Variants in VWA3B observed in about 807,000 individuals in gnomAD.
The protein encoded by VWA3B is von Willebrand factor A domain containing 3B, also known as von Willebrand factor A domain-containing protein 3B.
VWA3B carries 138 observed loss-of-function variants against 158.3 expected under a neutral mutation model. The observed-to-expected ratio is 0.87, with a 90% confidence interval of 0.76 to 1.00. VWA3B has a LOEUF of 1.00. VWA3B is among the 50% of genes least tolerant of loss of function. The pLI is 0.00. For synonymous variants in VWA3B, 596 were observed against 587.3 expected, an observed-to-expected ratio of 1.01 and a Z score of -0.21; for missense variants, 1,555 against 1,565.1, an observed-to-expected ratio of 0.99 and a Z score of 0.11.
intron 7 of VWA3B, among the ~76,000 whole-genome samples, chr2:98,139,672 C>T (rs1676594593): frequency 6.6e-6 from 1 of 152,082 alleles, no homozygotes; most frequent in African/African-American, 2.4e-5. Context: ...CACTCTGTAT[C>T]TAGTTAATCT....
At chr2:98,244,217 G>A (rs1474157038) in intron 19 of VWA3B, among the ~76,000 whole-genome samples, 1 of 152,116 alleles carries the variant, frequency 6.6e-6, no homozygotes, top group African/African-American at 2.4e-5. Context: ...CTAACATTCA[G>A]TAATATAAAT....
intron 3 of VWA3B, among the ~76,000 whole-genome samples, chr2:98,117,015 G>T (rs1230790886): frequency 6.6e-6 from 1 of 152,108 alleles, no homozygotes; most frequent in Non-Finnish European, 1.5e-5. Context: ...CCAATTCTTG[G>T]ATTATTTTAC....
In VWA3B at chr2:98,290,673, C is replaced by T. The variant is rs76640553; in HGVS notation, c.3157+51C>T. The T allele has an allele frequency of 5.3e-3, 6,772 of 1,283,684 alleles. 28 individuals are homozygous for T. The highest frequency in any genetic ancestry group is 6.8e-3 in the Non-Finnish European group (6,209 of 913,516). 79.5% of individuals were successfully genotyped at this position (1,283,684 alleles called of 1,614,324 possible). On this transcript the variant is annotated intron_variant, in intron 23 of 27. Transcript: ENST00000477737. ...GAGGCTTTTGTTAAATAATTTGATA[C>T]TAGGGACAAGAAGTTTCAACCTGTG...
At chr2:98,168,811 T>A (rs913858743) in intron 8 of VWA3B, among the ~76,000 whole-genome samples, 7 of 151,988 alleles carry the variant, frequency 4.6e-5, no homozygotes, top group African/African-American at 1.7e-4. Context: ...AAAAAAGATT[T>A]AAAAAAACCC....
chr2:98,220,600 C>T (rs779512447), intron 14 of VWA3B, among the ~76,000 whole-genome samples: 10 of 152,128 alleles, frequency 6.6e-5, no homozygotes, highest in Admixed American at 3.9e-4. Context: ...TCCCATTACT[C>T]GGTATATACC....
intron 14 of VWA3B, among the ~76,000 whole-genome samples, chr2:98,219,541 A>T (rs536096428): frequency 7.9e-5 from 12 of 152,374 alleles, no homozygotes; most frequent in African/African-American, 2.9e-4. Flanking sequence ...CAGTGGCCAA[A>T]AATTTTCCAA....
rs150940812 is a variant in VWA3B, at chr2:98,311,769, G to A, written c.3522-50G>A. ...TGGGGATGGCTTGGACATCTCTGTAGACCCCGCAGCCATCAAGGCAGGGTA... is the reference window on the plus strand; with the variant it reads ...TGGGGATGGCTTGGACATCTCTGTAAACCCCGCAGCCATCAAGGCAGGGTA... On this transcript the variant is annotated intron_variant, in intron 26 of 27. Transcript: ENST00000477737. 344 of 1,493,348 alleles carry A rather than the reference G, an allele frequency of 2.3e-4. No individual in the cohort carries two copies. The African/African-American group carries it at 3.0e-3, about 13-fold the overall frequency. 92.5% of individuals were successfully genotyped at this position (1,493,348 alleles called of 1,614,324 possible). A position where few individuals can be genotyped will look rare whatever the true frequency, so the allele number is the denominator to read the frequency against.
chr2:98,096,156 C>G (rs1371608637), intron 2 of VWA3B, among the ~76,000 whole-genome samples: 1 of 152,178 alleles, frequency 6.6e-6, no homozygotes, highest in East Asian at 1.9e-4. Context: ...GAAATATTCT[C>G]TCCTCTTCAA....
intron 8 of VWA3B, among the ~76,000 whole-genome samples, chr2:98,172,266 G>T: frequency 6.6e-6 from 1 of 152,210 alleles, no homozygotes; most frequent in Admixed American, 6.5e-5. Context: ...AAGGGTGATG[G>T]TTTTCCCCTG....
chr2:98,109,885 T>C (rs1033994461), intron 2 of VWA3B, among the ~76,000 whole-genome samples: 1 of 151,990 alleles, frequency 6.6e-6, no homozygotes, highest in African/African-American at 2.4e-5. Context: ...TTAGAATTTA[T>C]TTTTCCCTAT....
chr2:98,187,992 A>G lies in VWA3B; in HGVS notation c.1329A>G (p.Thr443=). 1 of 1,613,282 alleles carries G rather than the reference A, an allele frequency of 6.2e-7. No individual in the cohort carries two copies. The highest frequency in any genetic ancestry group is 8.5e-7 in the Non-Finnish European group (1 of 1,179,638). Residue 443 remains threonine (T), a synonymous_variant, in exon 10 of 28, where the codon ACA becomes ACG. Transcript: ENST00000477737. ...CTCCTTAGGAGACGAACAAGAAGAC[A>G]GTCCATGCAAAATATTGCAGCAGGT... The part of the protein sequence containing the change: ...VQTSAETNKK[T]VHAKYCSRFV...
chr2:98,119,839 G>A, intron 4 of VWA3B, 76 bp downstream of exon 4: 1 of 1,551,626 alleles, frequency 6.4e-7, no homozygotes, highest in Non-Finnish European at 8.8e-7. Flanking sequence ...AAGTAGCACA[G>A]CTGACACAGT....
At chr2:98,216,567 CCAGCTGATGTGTGTGGAGGAAGGCTGCA>C (rs928740027) in intron 13 of VWA3B, among the ~76,000 whole-genome samples, 1 of 152,186 alleles carries the variant, frequency 6.6e-6, no homozygotes, top group African/African-American at 2.4e-5. Flanking sequence ...TCTTGCCACT[CCAGCTGATGTGTGTGGAGGAAGGCTGCA>C]CAGCTGATGT....
chr2:98,295,538 G>T (rs1160503050), intron 23 of VWA3B, among the ~76,000 whole-genome samples: 1 of 152,212 alleles, frequency 6.6e-6, no homozygotes, highest in Non-Finnish European at 1.5e-5. Context: ...CTCATCCCCA[G>T]GGAGGCACTG....
chr2:98,145,318 C>T (rs1382702396), intron 7 of VWA3B, among the ~76,000 whole-genome samples: 1 of 152,218 alleles, frequency 6.6e-6, no homozygotes, highest in African/African-American at 2.4e-5. Context: ...CTTCCAGCCT[C>T]TTACCAAATT....
intron 4 of VWA3B, 139 bp downstream of exon 4, chr2:98,119,902 AT>A (rs1674837061): frequency 1.8e-6 from 2 of 1,118,334 alleles, no homozygotes; most frequent in Non-Finnish European, 1.3e-6. Flanking sequence ...AGAAGATGTA[AT>A]TTCAGCAGCA....
At chr2:98,198,991 G>A (rs112534742) in intron 12 of VWA3B, among the ~76,000 whole-genome samples, 2 of 152,086 alleles carry the variant, frequency 1.3e-5, no homozygotes, top group South Asian at 4.1e-4. Flanking sequence ...GGAGGCTGAG[G>A]CAGGAGAATG....
intron 8 of VWA3B, among the ~76,000 whole-genome samples, chr2:98,178,038 A>G (rs1276638100): frequency 6.6e-6 from 1 of 152,182 alleles, no homozygotes; most frequent in Non-Finnish European, 1.5e-5. Context: ...GAATGGGAAT[A>G]TAATTAATAA....
chr2:98,230,311 G>A (rs980016972), intron 16 of VWA3B, 104 bp downstream of exon 16: 2 of 1,219,634 alleles, frequency 1.6e-6, no homozygotes, highest in Admixed American at 3.2e-5. Flanking sequence ...CACTAAACTT[G>A]TGGGTTTTTT....
Sources: allele counts gnomAD v4.1 joint callset (sites outside exome capture counted in the v4.1 genomes callset), GRCh38; gene constraint gnomAD v4.1.1; transcripts MANE v1.5; gene names NCBI Gene and HGNC (gene_info 2026-07-23, HGNC 2026-07-21).